Variants in GPM6A observed in about 807,000 individuals in gnomAD.
GPM6A encodes the protein glycoprotein M6A, also known as neuronal membrane glycoprotein M6-a.
Under a neutral mutation model 32.1 loss-of-function variants are expected in GPM6A, and 7 were observed. The ratio of observed to expected loss-of-function variants is 0.22; its 90% CI spans 0.12 to 0.41. GPM6A has a LOEUF of 0.41. Ranked by LOEUF, GPM6A falls within the 10% of genes least tolerant of loss-of-function variation. GPM6A has a pLI of 1.00. For missense variants in GPM6A, 235 were observed against 347.2 expected (o/e 0.68, Z 2.57); for synonymous variants, 130 against 123.4 (o/e 1.05, Z -0.35).
intron 1 of GPM6A, among the ~76,000 whole-genome samples, chr4:175,908,941 C>T (rs1738218650): frequency 6.8e-6 from 1 of 146,172 alleles, no homozygotes; most frequent in Admixed American, 7.3e-5. Context: ...CGTAAAAGCA[C>T]ACAATGATTT....
intron 2 of GPM6A, among the ~76,000 whole-genome samples, chr4:175,679,450 C>G (rs1268361422): frequency 1.3e-5 from 2 of 152,078 alleles, no homozygotes; most frequent in African/African-American, 2.4e-5. Flanking sequence ...GTACTGTGTA[C>G]TACTTCTCTT....
intron 4 of GPM6A, among the ~76,000 whole-genome samples, chr4:175,645,210 G>T (rs1272438837): frequency 1.3e-5 from 2 of 152,126 alleles, no homozygotes; most frequent in African/African-American, 4.8e-5. Context: ...GCAGTAACGG[G>T]CTTCTTTAGT....
chr4:175,959,240 T>C (rs1740088578), intron 1 of GPM6A, among the ~76,000 whole-genome samples: 1 of 152,166 alleles, frequency 6.6e-6, no homozygotes, highest in Admixed American at 6.5e-5. Flanking sequence ...GAACTCTCTA[T>C]ATTCACATTT....
At chr4:175,886,215 C>T (rs960910836) in intron 1 of GPM6A, among the ~76,000 whole-genome samples, 13 of 152,050 alleles carry the variant, frequency 8.5e-5, no homozygotes, top group African/African-American at 2.9e-4. Context: ...CAACTGTACT[C>T]GTTATAGGAA....
intron 1 of GPM6A, among the ~76,000 whole-genome samples, chr4:176,001,614 G>A (rs1434129357): frequency 6.6e-6 from 1 of 152,168 alleles, no homozygotes; most frequent in Non-Finnish European, 1.5e-5. Context: ...AAGCTGAACT[G>A]CGCCGAACTC....
chr4:175,724,618 T>G (rs1746311676), intron 1 of GPM6A, among the ~76,000 whole-genome samples: 2 of 152,016 alleles, frequency 1.3e-5, no homozygotes, highest in Non-Finnish European at 2.9e-5. Flanking sequence ...GTGGGCAGAA[T>G]AGGGAGAAGC....
intron 2 of GPM6A, among the ~76,000 whole-genome samples, chr4:175,690,181 C>T (rs1744220008): frequency 2.6e-5 from 4 of 152,316 alleles, no homozygotes; most frequent in Admixed American, 1.3e-4. Flanking sequence ...GCTGACATCA[C>T]TTATCTCAAA....
At chr4:175,966,629 A>G (rs73873520) in intron 1 of GPM6A, among the ~76,000 whole-genome samples, 7,646 of 151,708 alleles carry the variant, frequency 0.05, 614 homozygotes, top group African/African-American at 0.17. Context: ...CAAGAAGACC[A>G]CCCTCTCTAA....
intron 1 of GPM6A, among the ~76,000 whole-genome samples, chr4:175,752,387 AG>A (rs1732370080): frequency 6.6e-6 from 1 of 152,110 alleles, no homozygotes; most frequent in Admixed American, 6.6e-5. Context: ...TGTATCTGCA[AG>A]GCCGAGCCTT....
chr4:175,900,441 CA>C (rs1431281786), intron 1 of GPM6A, among the ~76,000 whole-genome samples: 1 of 143,324 alleles, frequency 7.0e-6, no homozygotes, highest in East Asian at 2.0e-4. Flanking sequence ...ATAATCCGGT[CA>C]AAAAATGGGC....
At chr4:175,931,662 T>TAA (rs1025406870) in intron 1 of GPM6A, among the ~76,000 whole-genome samples, 9 of 138,328 alleles carry the variant, frequency 6.5e-5, no homozygotes, top group African/African-American at 1.8e-4. Context: ...AGACATGTGT[T>TAA]AAAAAATATA....
intron 1 of GPM6A, among the ~76,000 whole-genome samples, chr4:176,000,566 G>A (rs1021494990): frequency 2.0e-5 from 3 of 152,084 alleles, no homozygotes; most frequent in Non-Finnish European, 2.9e-5. Context: ...AGGTTACAAG[G>A]GTAAATTATG....
At chr4:175,807,686 A>G (rs1355413680) in intron 1 of GPM6A, 1 of 152,210 alleles carries the variant, frequency 6.6e-6, no homozygotes, top group East Asian at 1.9e-4. Context: ...TCTGGCAAAG[A>G]AAAGAAGCCA....
chr4:175,887,209 G>A (rs1234009090), intron 1 of GPM6A, among the ~76,000 whole-genome samples: 1 of 151,878 alleles, frequency 6.6e-6, no homozygotes, highest in Non-Finnish European at 1.5e-5. Flanking sequence ...CACAACAGCT[G>A]CCAAAAAATT....
At chr4:175,979,045 T>C (rs1330162408) in intron 1 of GPM6A, among the ~76,000 whole-genome samples, 1 of 152,160 alleles carries the variant, frequency 6.6e-6, no homozygotes, top group South Asian at 2.1e-4. Context: ...GCTCCATTTA[T>C]TCCTCAACTT....
At chr4:175,687,646 G>T (rs1403631590) in intron 2 of GPM6A, among the ~76,000 whole-genome samples, 4 of 151,902 alleles carry the variant, frequency 2.6e-5, no homozygotes, top group Non-Finnish European at 5.9e-5. Flanking sequence ...GAGAGTATAT[G>T]TATCTCTTCA....
intron 1 of GPM6A, among the ~76,000 whole-genome samples, chr4:175,767,268 A>G (rs1733009769): frequency 6.6e-6 from 1 of 152,186 alleles, no homozygotes; most frequent in African/African-American, 2.4e-5. Context: ...TAGCTCTTGA[A>G]AGCCAAGATT....
At chr4:175,691,735 T>C (rs1378930145) in intron 2 of GPM6A, among the ~76,000 whole-genome samples, 2 of 152,204 alleles carry the variant, frequency 1.3e-5, no homozygotes, top group Non-Finnish European at 2.9e-5. Context: ...TGTAAATATG[T>C]CATCTCATAT....
chr4:175,718,572 C>T (rs936684533), intron 1 of GPM6A, among the ~76,000 whole-genome samples: 6 of 152,098 alleles, frequency 3.9e-5, no homozygotes, highest in African/African-American at 4.8e-5. Flanking sequence ...GCCGAGATTG[C>T]GCCACTGCAC....
Sources: allele counts gnomAD v4.1 joint callset (sites outside exome capture counted in the v4.1 genomes callset), GRCh38; gene constraint gnomAD v4.1.1; transcripts MANE v1.5; gene names NCBI Gene and HGNC (gene_info 2026-07-23, HGNC 2026-07-21).